Variants in JARID2 observed in about 807,000 individuals in gnomAD.
JARID2 encodes the protein protein Jumonji.
JARID2 carries 21 observed loss-of-function variants against 125.6 expected under a neutral mutation model. That is an observed-to-expected ratio of 0.17 (90% CI 0.12 to 0.24). The LOEUF is 0.24. JARID2 is among the 10% of genes least tolerant of loss of function. The pLI, the probability that JARID2 is intolerant of heterozygous loss-of-function variation, is 1.00. For missense variants in JARID2, 1,303 were observed against 1,639.6 expected (o/e 0.79, Z 3.55); for synonymous variants, 736 against 661.6 (o/e 1.11, Z -1.73).
intron 1 of JARID2, among the ~76,000 whole-genome samples, chr6:15,327,528 A>AGTGTGTGTGT (rs10577382): frequency 2.5e-4 from 37 of 149,270 alleles, no homozygotes; most frequent in South Asian, 4.3e-4. Context: ...ATTCTGGAAG[A>AGTGTGTGTGT]GTGTGTGTGT....
At chr6:15,253,220 A>C (rs534997131) in intron 1 of JARID2, among the ~76,000 whole-genome samples, 1 of 152,050 alleles carries the variant, frequency 6.6e-6, no homozygotes, top group East Asian at 1.9e-4. Flanking sequence ...GTGTGCCACC[A>C]CACCCGGCTC....
intron 1 of JARID2, among the ~76,000 whole-genome samples, chr6:15,257,962 G>C (rs887525744): frequency 6.6e-6 from 1 of 152,218 alleles, no homozygotes; most frequent in Non-Finnish European, 1.5e-5. Context: ...GAAGGGAAGG[G>C]AAAGGGAGAG....
chr6:15,259,771 G>A (rs553245395), intron 1 of JARID2, among the ~76,000 whole-genome samples: 1 of 151,944 alleles, frequency 6.6e-6, no homozygotes, highest in Non-Finnish European at 1.5e-5. Flanking sequence ...TTTTGATGGG[G>A]GTTACTTTTA....
intron 16 of JARID2, among the ~76,000 whole-genome samples, chr6:15,513,650 G>C (rs1365596713): frequency 6.6e-6 from 1 of 152,230 alleles, no homozygotes; most frequent in African/African-American, 2.4e-5. Context: ...CCCACGCGTG[G>C]CCCTCCCTCG....
At chr6:15,390,424 G>A (rs1764955951) in intron 2 of JARID2, among the ~76,000 whole-genome samples, 1 of 152,168 alleles carries the variant, frequency 6.6e-6, no homozygotes. Flanking sequence ...TGTCCACGTT[G>A]TGCAGCCCAT....
chr6:15,372,140 G>T (rs529783326), intron 1 of JARID2, among the ~76,000 whole-genome samples: 4 of 152,148 alleles, frequency 2.6e-5, no homozygotes, highest in Non-Finnish European at 5.9e-5. Context: ...GTATAGGAAC[G>T]TAAGTGCTGG....
At chr6:15,374,076 T>C (rs1764263946) in intron 1 of JARID2, 41 bp from the exon 2 acceptor site, 2 of 1,603,356 alleles carry the variant, frequency 1.2e-6, no homozygotes, top group Admixed American at 1.7e-5. Flanking sequence ...ATTGCCTTGC[T>C]TTCTATTCAG....
At chr6:15,506,739 G>A (rs185874262) in intron 9 of JARID2, among the ~76,000 whole-genome samples, 9 of 152,318 alleles carry the variant, frequency 5.9e-5, no homozygotes, top group Admixed American at 2.6e-4. Flanking sequence ...GGCGGTTACC[G>A]TGCTTAGCAT....
At chr6:15,469,758 T>C (rs1768980228) in intron 5 of JARID2, among the ~76,000 whole-genome samples, 1 of 152,136 alleles carries the variant, frequency 6.6e-6, no homozygotes, top group African/African-American at 2.4e-5. Flanking sequence ...GGCAATTCCC[T>C]GACCGAAGGT....
intron 17 of JARID2, among the ~76,000 whole-genome samples, chr6:15,519,477 G>A (rs189708838): frequency 9.5e-4 from 144 of 152,154 alleles, no homozygotes; most frequent in African/African-American, 2.3e-3. Flanking sequence ...CCAGCCACCC[G>A]TGGCCCAGAG....
At position 15,426,215 on chromosome 6, in the gene JARID2, G is replaced by A. The variant is rs1419324480; in HGVS notation, c.323+15850G>A. Among the ~76,000 whole-genome samples, 4 of 152,250 alleles carry A rather than the reference G, an allele frequency of 2.6e-5. No homozygotes were observed. In the East Asian group the frequency reaches 7.7e-4, roughly 29 times the overall value. On this transcript the variant is annotated intron_variant, in intron 3 of 17. Transcript: ENST00000341776. ...GTGACTCTTAATAATCCTCGAGTGG[G>A]GCCGAGGTTTGACAAGTGAAGGGTT...
intron 3 of JARID2, among the ~76,000 whole-genome samples, chr6:15,422,149 A>T (rs1386846774): frequency 6.6e-6 from 1 of 152,180 alleles, no homozygotes; most frequent in African/African-American, 2.4e-5. Context: ...CGCGTCCAGG[A>T]GAGGGCCCAG....
intron 1 of JARID2, among the ~76,000 whole-genome samples, chr6:15,296,160 G>A (rs1176008785): frequency 6.6e-6 from 1 of 152,138 alleles, no homozygotes; most frequent in African/African-American, 2.4e-5. Flanking sequence ...TCAAACACCA[G>A]TGCCTTGGTC....
At chr6:15,263,074 TTGTGTGTGTG>T (rs561238062) in intron 1 of JARID2, among the ~76,000 whole-genome samples, 19,537 of 139,698 alleles carry the variant, frequency 0.14, 1,450 homozygotes, top group East Asian at 0.25. Flanking sequence ...GGGTGTGTGT[TTGTGTGTGTG>T]TGTGTGTGTG....
chr6:15,249,531 GAA>G (rs948947724), intron 1 of JARID2, among the ~76,000 whole-genome samples: 9 of 152,138 alleles, frequency 5.9e-5, no homozygotes, highest in Non-Finnish European at 1.2e-4. Context: ...TTGTAAAATG[GAA>G]AAATACCTGC....
At chr6:15,386,579 C>G (rs1207074253) in intron 2 of JARID2, among the ~76,000 whole-genome samples, 1 of 152,184 alleles carries the variant, frequency 6.6e-6, no homozygotes, top group Admixed American at 6.5e-5. Flanking sequence ...CAGGTGATCC[C>G]CCCTCCTACT....
chr6:15,336,314 G>T (rs548058767), intron 1 of JARID2, among the ~76,000 whole-genome samples: 136 of 152,196 alleles, frequency 8.9e-4, no homozygotes, highest in Non-Finnish European at 4.7e-4. Context: ...GTAATATTTC[G>T]CTATTGCGAA....
intron 5 of JARID2, among the ~76,000 whole-genome samples, chr6:15,472,514 T>G (rs1393918037): frequency 6.6e-6 from 1 of 152,058 alleles, no homozygotes. Flanking sequence ...GCCCCCAACC[T>G]CCAAGTGTCT....
chr6:15,512,737 CTT>C (rs1771340701), intron 14 of JARID2, among the ~76,000 whole-genome samples, 176 bp from the exon 15 acceptor site: 1 of 152,002 alleles, frequency 6.6e-6, no homozygotes, highest in Non-Finnish European at 1.5e-5. Context: ...AGTGCTATGA[CTT>C]TTCCTGGTAT....
Sources: allele counts gnomAD v4.1 joint callset (sites outside exome capture counted in the v4.1 genomes callset), GRCh38; gene constraint gnomAD v4.1.1; transcripts MANE v1.5; gene names NCBI Gene and HGNC (gene_info 2026-07-23, HGNC 2026-07-21).